DCC: variants seen among roughly 807,000 people sequenced by gnomAD.
DCC encodes the protein DCC netrin 1 receptor, also known as netrin receptor DCC.
In DCC, 58 loss-of-function variants were observed where a neutral mutation model predicts 172.5. The observed-to-expected ratio is 0.34, with a 90% CI of 0.27 to 0.42. The LOEUF (loss-of-function observed/expected upper bound fraction) is 0.42, where lower values mean the gene tolerates loss of function less well. Among genes scored for constraint, DCC ranks in the 10% least tolerant of loss-of-function variants. The probability of loss-of-function intolerance (pLI) is 1.00; values close to 1 mark genes in which losing one functional copy is unlikely to be tolerated. For synonymous variants in DCC, 709 were observed against 644.5 expected (o/e 1.10, Z -1.52); for missense variants, 1,740 against 1,791.0 (o/e 0.97, Z 0.51).
intron 1 of DCC, among the ~76,000 whole-genome samples, chr18:52,591,901 T>C (rs535813686): frequency 6.7e-6 from 1 of 148,870 alleles, no homozygotes; most frequent in East Asian, 2.1e-4. Context: ...TGCCCCACCA[T>C]GGCCTTCCAA....
At chr18:53,146,666 GA>G (rs921144910) in intron 7 of DCC, among the ~76,000 whole-genome samples, 3 of 151,504 alleles carry the variant, frequency 2.0e-5, no homozygotes, top group Non-Finnish European at 4.4e-5. Flanking sequence ...CTTTATTCAA[GA>G]AAAAAAAGGT....
At chr18:53,183,665 C>A (rs929959566) in intron 9 of DCC, among the ~76,000 whole-genome samples, 6 of 151,978 alleles carry the variant, frequency 3.9e-5, no homozygotes, top group Non-Finnish European at 5.9e-5. Flanking sequence ...CTATTATATT[C>A]TTTACACTAA....
intron 1 of DCC, among the ~76,000 whole-genome samples, chr18:52,366,883 C>T (rs965590355): frequency 3.9e-5 from 6 of 152,242 alleles, no homozygotes; most frequent in African/African-American, 1.4e-4. Flanking sequence ...AGCTGCCTGC[C>T]AGTCCCGTGC....
intron 1 of DCC, among the ~76,000 whole-genome samples, chr18:52,719,609 A>C (rs1358858709): frequency 6.2e-5 from 4 of 64,916 alleles, no homozygotes; most frequent in Non-Finnish European, 1.7e-4. Context: ...AATCTAAGGA[A>C]CAAAAAAAAA....
At chr18:52,796,013 C>A (rs1426540285) in intron 2 of DCC, among the ~76,000 whole-genome samples, 1 of 148,548 alleles carries the variant, frequency 6.7e-6, no homozygotes, top group South Asian at 2.1e-4. Flanking sequence ...AATATATGAC[C>A]TTGTCTCTTC....
chr18:52,846,608 AACACACACACACACACACACACAC>A (rs71175524), intron 2 of DCC, among the ~76,000 whole-genome samples: 6 of 130,590 alleles, frequency 4.6e-5, no homozygotes, highest in Admixed American at 2.4e-4. Flanking sequence ...TGCCACTCCA[AACACACACACACACACACACACAC>A]ACACACACAC....
At chr18:53,201,550 G>A (rs960304835) in intron 9 of DCC, among the ~76,000 whole-genome samples, 2 of 152,108 alleles carry the variant, frequency 1.3e-5, no homozygotes, top group African/African-American at 4.8e-5. Context: ...TTGTCTTTGT[G>A]AATATATCAA....
chr18:52,944,975 G>A (rs530706028), intron 5 of DCC, among the ~76,000 whole-genome samples: 2 of 152,166 alleles, frequency 1.3e-5, no homozygotes, highest in African/African-American at 4.8e-5. Context: ...CTTTCTTGGG[G>A]GCATTTGAAG....
At position 53,512,856 on chromosome 18, in the gene DCC, G is replaced by C. The variant is rs989111155; in HGVS notation, c.4111+13346G>C. Reference sequence around the variant, plus strand: ...CTGATTGGTGTACCTGAAAGTGATGGGGAGAATGGAACCAAGTTGGGAAAC... The same window carrying C: ...CTGATTGGTGTACCTGAAAGTGATGCGGAGAATGGAACCAAGTTGGGAAAC... On this transcript the variant is annotated intron_variant, in intron 27 of 28. Coordinates refer to ENST00000442544, the MANE Select transcript of DCC (RefSeq NM_005215.4). Among the ~76,000 whole-genome samples, 11 of 152,142 alleles carry C rather than the reference G, an allele frequency of 7.2e-5. No individual in the cohort carries two copies. In the East Asian group the frequency reaches 1.4e-3, roughly 19 times the overall value.
At chr18:53,111,434 G>A (rs200177285) in intron 7 of DCC, among the ~76,000 whole-genome samples, 4 of 35,556 alleles carry the variant, frequency 1.1e-4, no homozygotes, top group African/African-American at 3.0e-4. Context: ...ACAAAAAAAA[G>A]AAAGAAAGAT....
At chr18:53,264,069 C>G (rs1435006516) in intron 12 of DCC, among the ~76,000 whole-genome samples, 1 of 152,128 alleles carries the variant, frequency 6.6e-6, no homozygotes, top group Non-Finnish European at 1.5e-5. Context: ...ACCCACAAAT[C>G]CCATCAGCAT....
intron 1 of DCC, among the ~76,000 whole-genome samples, chr18:52,674,707 C>A (rs1209475210): frequency 6.6e-6 from 1 of 152,186 alleles, no homozygotes; most frequent in African/African-American, 2.4e-5. Context: ...CCAAATAAAT[C>A]CTACTTTAGT....
intron 5 of DCC, among the ~76,000 whole-genome samples, chr18:52,931,083 T>C (rs9953186): frequency 0.39 from 59,593 of 151,790 alleles, 12,304 homozygotes; most frequent in Non-Finnish European, 0.47. Flanking sequence ...CTTTATATCA[T>C]TTATAACTAC....
rs181427198 is a variant in DCC at position 53,039,983 on chromosome 18, C to T, written c.986-23322C>T. Among the ~76,000 whole-genome samples the T allele has an allele frequency of 3.0e-4, 46 of 151,938 alleles. No individual in the cohort carries two copies. The East Asian group carries it at 8.4e-3, about 28-fold the overall frequency. On this transcript the variant is annotated intron_variant, in intron 5 of 28. Coordinates refer to ENST00000442544, the MANE Select transcript of DCC (RefSeq NM_005215.4). Reference sequence around the variant, plus strand: ...CATGTGGGTGCTCAGTGGGTGTTTGCTAAATTAATTTAAACTGTATTGCCC... The same window carrying T: ...CATGTGGGTGCTCAGTGGGTGTTTGTTAAATTAATTTAAACTGTATTGCCC...
intron 1 of DCC, among the ~76,000 whole-genome samples, chr18:52,612,321 C>T (rs961035867): frequency 4.9e-4 from 74 of 152,080 alleles, no homozygotes; most frequent in Non-Finnish European, 8.4e-4. Flanking sequence ...TGCCAACATG[C>T]CCAATTAATC....
intron 7 of DCC, among the ~76,000 whole-genome samples, chr18:53,148,356 AT>A (rs2043946882): frequency 6.6e-6 from 1 of 152,182 alleles, no homozygotes; most frequent in East Asian, 1.9e-4. Context: ...GTCAGTCTTT[AT>A]TCCCAGAGGA....
intron 24 of DCC, among the ~76,000 whole-genome samples, chr18:53,464,317 A>G (rs965876335): frequency 1.3e-5 from 2 of 152,216 alleles, no homozygotes; most frequent in Admixed American, 6.5e-5. Flanking sequence ...GGTAGTATTC[A>G]ATTTCTAAAA....
In DCC at chr18:53,360,117, T is replaced by C. The variant is rs570380592; in HGVS notation, c.2359+20210T>C. 2.6e-5 allele frequency among the ~76,000 whole-genome samples: 4 copies of C among 152,212 alleles called. No homozygotes were observed. In the East Asian group the frequency reaches 5.8e-4, roughly 22 times the overall value. ...TTAACCTTTAAAAGTGGCAAATCAC[T>C]TTATAAGATAGTTTCTGTAAGAATT... On this transcript the variant is annotated intron_variant, in intron 15 of 28. Coordinates refer to ENST00000442544, the MANE Select transcript of DCC (RefSeq NM_005215.4).
chr18:52,546,258 GAATA>G (rs1474325652), intron 1 of DCC, among the ~76,000 whole-genome samples: 1 of 152,126 alleles, frequency 6.6e-6, no homozygotes, highest in African/African-American at 2.4e-5. Context: ...TTAAAACAGA[GAATA>G]GGAGTGGTGT....
Sources: gnomAD v4.1 joint callset for allele counts (sites outside exome capture counted in the v4.1 genomes callset) on GRCh38, gnomAD v4.1.1 for gene constraint, MANE v1.5 for transcripts, NCBI Gene and HGNC (gene_info 2026-07-23, HGNC 2026-07-21) for gene names.